LDAH: variants seen among roughly 807,000 people sequenced by gnomAD.
The protein encoded by LDAH is lipid droplet associated hydrolase.
Under a neutral mutation model 29.6 loss-of-function variants are expected in LDAH, and 26 were observed. The ratio of observed to expected loss-of-function variants is 0.88; its 90% CI spans 0.64 to 1.22. The LOEUF is 1.22. Among genes scored for constraint, LDAH ranks in the 50% most tolerant of loss-of-function variants. The pLI, the probability that LDAH is intolerant of heterozygous loss-of-function variation, is 0.00. For missense variants in LDAH, 344 were observed against 387.3 expected, an observed-to-expected ratio of 0.89 and a Z score of 0.94; for synonymous variants, 117 against 133.0, an observed-to-expected ratio of 0.88 and a Z score of 0.83.
chr2:20,751,220 T>C (rs2046324), intron 4 of LDAH, among the ~76,000 whole-genome samples: 26,624 of 152,202 alleles, frequency 0.17, 2,879 homozygotes, highest in Admixed American at 0.25. Context: ...CACCTTTCTT[T>C]TTAAAGGTAA....
chr2:20,817,065 A>G lies in LDAH; in HGVS notation c.-3+5972T>C, dbSNP rs562622136. Among the ~76,000 whole-genome samples the G allele has an allele frequency of 4.6e-5, 7 of 152,206 alleles. No homozygotes were observed. The East Asian group carries it at 1.3e-3, about 29-fold the overall frequency. On this transcript the variant is annotated intron_variant, in intron 1 of 6. Transcript: ENST00000237822. ...AAAATTTGTGAGATGCAACAAAAGC[A>G]ATGCCAAGAGGGAAATTATAGCAAT...
At position 20,819,740 on chromosome 2, in the gene LDAH, C is replaced by T. The variant is rs542419405; in HGVS notation, c.-3+3297G>A. Among the ~76,000 whole-genome samples the T allele has an allele frequency of 9.1e-4, 139 of 152,290 alleles. 1 individual carries two copies. The highest frequency in any genetic ancestry group is 3.2e-3 in the African/African-American group (133 of 41,564). ...GCCCTCTCTCACCACTCCTATTCAACATAGTGTTGGAAGTTCTGGCCAGGG... is the reference window on the plus strand; with the variant it reads ...GCCCTCTCTCACCACTCCTATTCAATATAGTGTTGGAAGTTCTGGCCAGGG... On this transcript the variant is annotated intron_variant, in intron 1 of 6. Coordinates refer to ENST00000237822, the MANE Select transcript of LDAH (RefSeq NM_021925.4).
intron 1 of LDAH, among the ~76,000 whole-genome samples, chr2:20,804,115 T>C (rs1671905990): frequency 6.6e-6 from 1 of 152,296 alleles, no homozygotes; most frequent in South Asian, 2.1e-4. Flanking sequence ...GGCACACAGC[T>C]AAGCTTCACC....
At chr2:20,754,491 C>T (rs1463977645) in intron 4 of LDAH, among the ~76,000 whole-genome samples, 1 of 117,286 alleles carries the variant, frequency 8.5e-6, no homozygotes, top group Non-Finnish European at 1.7e-5. Flanking sequence ...ACTCCAACTA[C>T]CCTCGCCACA....
intron 2 of LDAH, among the ~76,000 whole-genome samples, chr2:20,800,223 C>A (rs1031401060): frequency 2.0e-5 from 3 of 152,106 alleles, no homozygotes; most frequent in African/African-American, 7.2e-5. Flanking sequence ...ACTCATAAAA[C>A]CCTGAAGTCT....
intron 5 of LDAH, among the ~76,000 whole-genome samples, chr2:20,725,431 C>G (rs1474841556): frequency 6.6e-6 from 1 of 152,096 alleles, no homozygotes; most frequent in Non-Finnish European, 1.5e-5. Context: ...CTTATCTTGC[C>G]AAGGGTTACA....
intron 6 of LDAH, among the ~76,000 whole-genome samples, chr2:20,699,156 C>G (rs967145753): frequency 1.3e-5 from 2 of 152,150 alleles, no homozygotes; most frequent in African/African-American, 4.8e-5. Flanking sequence ...AATGATTTTT[C>G]AACAAAATGT....
At chr2:20,810,699 T>G (rs1437118872) in intron 1 of LDAH, among the ~76,000 whole-genome samples, 1 of 151,980 alleles carries the variant, frequency 6.6e-6, no homozygotes, top group Non-Finnish European at 1.5e-5. Context: ...ACAACAGGGG[T>G]CCACAATCCC....
chr2:20,771,798 CCCTTT>C (rs1669451475), intron 4 of LDAH, among the ~76,000 whole-genome samples: 1 of 1,760 alleles, frequency 5.7e-4, no homozygotes, highest in African/African-American at 1.4e-3. Flanking sequence ...CTAGCTTACA[CCCTTT>C]GGACAATTTA....
At chr2:20,772,720 A>G (rs1305229893) in intron 4 of LDAH, among the ~76,000 whole-genome samples, 3 of 151,952 alleles carry the variant, frequency 2.0e-5, no homozygotes, top group East Asian at 3.9e-4. Flanking sequence ...TGCCTCCTTG[A>G]CTCTTCTTCC....
chr2:20,810,678 G>T (rs927160868), intron 1 of LDAH, among the ~76,000 whole-genome samples: 1 of 152,180 alleles, frequency 6.6e-6, no homozygotes, highest in Admixed American at 6.5e-5. Context: ...CTTTAGAGGG[G>T]GACATAGTAT....
intron 4 of LDAH, among the ~76,000 whole-genome samples, chr2:20,746,263 C>T (rs1667561483): frequency 6.6e-6 from 1 of 152,090 alleles, no homozygotes; most frequent in Non-Finnish European, 1.5e-5. Context: ...AAACAGGAAA[C>T]AATCCATTAC....
At chr2:20,809,251 T>C (rs1364212226) in intron 1 of LDAH, among the ~76,000 whole-genome samples, 2 of 125,984 alleles carry the variant, frequency 1.6e-5, no homozygotes, top group East Asian at 1.9e-4. Flanking sequence ...AAAAAAAAAT[T>C]AGCTGCGCTT....
chr2:20,747,773 G>A (rs375418381), intron 4 of LDAH, among the ~76,000 whole-genome samples: 4 of 152,228 alleles, frequency 2.6e-5, no homozygotes, highest in African/African-American at 9.6e-5. Flanking sequence ...AGTAGTGATA[G>A]CTTACTATTT....
At chr2:20,741,059 T>C (rs533377489) in intron 4 of LDAH, among the ~76,000 whole-genome samples, 1 of 152,350 alleles carries the variant, frequency 6.6e-6, no homozygotes, top group East Asian at 1.9e-4. Flanking sequence ...TTATTTGTCA[T>C]CTGTATATCT....
At position 20,764,420 on chromosome 2, in the gene LDAH, T is replaced by C. The variant is rs186259978; in HGVS notation, c.468+10390A>G. 1.2e-3 allele frequency among the ~76,000 whole-genome samples: 185 copies of C among 152,360 alleles called. 2 individuals are homozygous for C. Among genetic ancestry groups the C allele is most frequent in the African/African-American group, 3.9e-3 (162 of 41,590 alleles). ...GTAACTGTCAAACTACTATGCACTA[T>C]GTTTGCAGAATCCTCCAATTTCCTT... is the stretch of plus-strand genomic sequence containing the variant. On this transcript the variant is annotated intron_variant, in intron 4 of 6. Coordinates refer to ENST00000237822, the MANE Select transcript of LDAH (RefSeq NM_021925.4).
At position 20,726,725 on chromosome 2, in the gene LDAH, T is replaced by A. The variant is rs376510413; in HGVS notation, c.703+13246A>T. ...TTCGTAGTCAACATAGTTTATTATG[T>A]ATTTCTCTATAAGCCAGGACTGTGG... On this transcript the variant is annotated intron_variant, in intron 5 of 6. Transcript: ENST00000237822. 7.9e-5 allele frequency among the ~76,000 whole-genome samples: 12 copies of A among 152,362 alleles called. No homozygotes were observed. In the South Asian group the frequency reaches 2.5e-3, roughly 32 times the overall value.
At chr2:20,778,647 C>T (rs1669975013) in intron 3 of LDAH, among the ~76,000 whole-genome samples, 1 of 152,002 alleles carries the variant, frequency 6.6e-6, no homozygotes, top group Non-Finnish European at 1.5e-5. Context: ...AATCTACTAA[C>T]AGGAAACAGA....
chr2:20,729,506 A>G (rs1361211480), intron 5 of LDAH, among the ~76,000 whole-genome samples: 1 of 152,198 alleles, frequency 6.6e-6, no homozygotes, highest in Non-Finnish European at 1.5e-5. Context: ...TGCATATCTA[A>G]TGGTGTCCTC....
Sources: gnomAD v4.1 joint callset for allele counts (sites outside exome capture counted in the v4.1 genomes callset) on GRCh38, gnomAD v4.1.1 for gene constraint, MANE v1.5 for transcripts, NCBI Gene and HGNC (gene_info 2026-07-23, HGNC 2026-07-21) for gene names.